LINC01488: variants seen among roughly 807,000 people sequenced by gnomAD.
The protein encoded by LINC01488 is CCND1-upstream intergenic DNA repair 1.
chr11:69,484,890 C>A lies in LINC01488; in HGVS notation n.122+3107C>A, dbSNP rs192876903. Among the ~76,000 whole-genome samples, 217 of 152,342 alleles carry A rather than the reference C, an allele frequency of 1.4e-3. 2 individuals carry two copies. The highest frequency in any genetic ancestry group is 4.7e-3 in the African/African-American group (196 of 41,572). ...CACAGCACCAGAGTCTTCACTGGCTCCTTTGTTTTCTCTGAAGGCAGAGAA... is the reference window on the plus strand; with the variant it reads ...CACAGCACCAGAGTCTTCACTGGCTACTTTGTTTTCTCTGAAGGCAGAGAA... On this transcript the variant is annotated intron_variant and non_coding_transcript_variant, in intron 1 of 3. Coordinates refer to ENST00000644563, the Ensembl canonical transcript of LINC01488.
intron 1 of LINC01488, among the ~76,000 whole-genome samples, chr11:69,489,580 G>A (rs1020008912): frequency 2.0e-5 from 3 of 152,262 alleles, no homozygotes; most frequent in Non-Finnish European, 4.4e-5. Context: ...ATAGCCTGGG[G>A]CAGTGGGAAC....
rs75108751 is a variant in LINC01488 at position 69,484,605 on chromosome 11, C to A, written n.122+2822C>A. 8.3e-3 allele frequency among the ~76,000 whole-genome samples: 1,259 copies of A among 152,322 alleles called. 50 individuals carry two copies. In the East Asian group the frequency reaches 0.12, roughly 14 times the overall value. On this transcript the variant is annotated intron_variant and non_coding_transcript_variant, in intron 1 of 3. Transcript: ENST00000644563. ...TAGTGTGAAACGGGAATGTTTCAGGCACTAGAAAAGGCCCAGCAGTTTCTG... is the reference window on the plus strand; with the variant it reads ...TAGTGTGAAACGGGAATGTTTCAGGAACTAGAAAAGGCCCAGCAGTTTCTG...
intron 1 of LINC01488, among the ~76,000 whole-genome samples, chr11:69,483,831 T>G (rs1469958709): frequency 6.6e-6 from 1 of 152,046 alleles, no homozygotes; most frequent in Admixed American, 6.5e-5. Flanking sequence ...CCGGCCCGGC[T>G]GGCGGGCAGC....
At chr11:69,481,903 A>ATGGATGAGTGGATGGT (rs1358569152) in intron 1 of LINC01488, 2 of 152,054 alleles carry the variant, frequency 1.3e-5, no homozygotes, top group Non-Finnish European at 2.9e-5. Context: ...GGGTGGATGG[A>ATGGATGAGTGGATGGT]TGGATGAGTG....
chr11:69,488,592 C>T (rs748360316), intron 1 of LINC01488, among the ~76,000 whole-genome samples: 89 of 152,376 alleles, frequency 5.8e-4, no homozygotes, highest in Admixed American at 9.8e-4. Flanking sequence ...GTTAATGGAC[C>T]GGCCCGGGGT....
intron 1 of LINC01488, among the ~76,000 whole-genome samples, chr11:69,485,077 C>T (rs756597083): frequency 6.6e-6 from 1 of 152,190 alleles, no homozygotes; most frequent in East Asian, 1.9e-4. Context: ...CATGTCACTG[C>T]GTATGGGAAG....
At chr11:69,487,066 A>G (rs540513688) in intron 1 of LINC01488, among the ~76,000 whole-genome samples, 2 of 152,328 alleles carry the variant, frequency 1.3e-5, no homozygotes, top group African/African-American at 2.4e-5. Flanking sequence ...CAAGGCTTGC[A>G]AGCGCATTCC....
At chr11:69,488,795 C>T (rs1053309628) in intron 1 of LINC01488, among the ~76,000 whole-genome samples, 14 of 152,170 alleles carry the variant, frequency 9.2e-5, no homozygotes, top group African/African-American at 2.4e-4. Context: ...CATGGGGAAC[C>T]GGCAGCAAAG....
At chr11:69,484,710 T>G (rs111661924) in intron 1 of LINC01488, among the ~76,000 whole-genome samples, 4,300 of 152,360 alleles carry the variant, frequency 0.028, 204 homozygotes, top group African/African-American at 0.097. Flanking sequence ...TGCTGAGCCC[T>G]GCTGTTGGGC....
intron 1 of LINC01488, among the ~76,000 whole-genome samples, chr11:69,482,114 G>A (rs1173860748): frequency 6.6e-6 from 1 of 152,102 alleles, no homozygotes; most frequent in Admixed American, 6.5e-5. Flanking sequence ...GAGGTTTAAT[G>A]GACTCACAGT....
chr11:69,486,752 C>G (rs1285732561), intron 1 of LINC01488, among the ~76,000 whole-genome samples: 1 of 152,188 alleles, frequency 6.6e-6, no homozygotes, highest in Non-Finnish European at 1.5e-5. Context: ...TCCATAAGCC[C>G]CCGCGATGGG....
intron 1 of LINC01488, among the ~76,000 whole-genome samples, chr11:69,482,533 T>C (rs1439092304): frequency 4.0e-5 from 6 of 151,246 alleles, no homozygotes; most frequent in African/African-American, 1.5e-4. Context: ...GATGAATGGA[T>C]GGATGATGAG....
exon 4 of LINC01488, chr11:69,492,484 C>T (rs138031689): frequency 2.0e-5 from 3 of 152,484 alleles, no homozygotes; most frequent in African/African-American, 4.8e-5. Context: ...CAGGGGGAGC[C>T]GAGCAGATGT....
chr11:69,488,515 G>A (rs1034868194), intron 1 of LINC01488, among the ~76,000 whole-genome samples: 3 of 152,326 alleles, frequency 2.0e-5, no homozygotes, highest in African/African-American at 7.2e-5. Flanking sequence ...CCTCTCCCAC[G>A]GCAACAGGAG....
Position 69,491,323 on chromosome 11 carries a change from G to A in LINC01488, n.458G>A, listed in dbSNP as rs1452510711. 2.1e-4 allele frequency: 32 copies of A among 152,274 alleles called. 2 individuals carry two copies. Among genetic ancestry groups the A allele is most frequent in the Admixed American group, 2.1e-3 (32 of 15,288 alleles). The allele number at this position is 152,274 out of a possible 1,614,324, so 9.4% of individuals were successfully genotyped here. On this transcript the variant is annotated non_coding_transcript_exon_variant, in exon 3 of 4. Coordinates refer to ENST00000644563, the Ensembl canonical transcript of LINC01488. ...ACGTGCTTGGAACAGCAGGTGCTCG[G>A]TCAGTGCAGCCACGACCATCCCGTC...
intron 1 of LINC01488, chr11:69,488,430 T>A (rs1857159336): frequency 1.3e-5 from 2 of 152,346 alleles, no homozygotes; most frequent in African/African-American, 4.8e-5. Context: ...CAGGCAGCAT[T>A]GGGAAGCAGG....
intron 1 of LINC01488, among the ~76,000 whole-genome samples, chr11:69,483,867 T>TG (rs1364605935): frequency 6.6e-6 from 1 of 151,762 alleles, no homozygotes; most frequent in Admixed American, 6.6e-5. Flanking sequence ...CCGAGGCGGG[T>TG]GCCTCCCGGT....
At chr11:69,487,324 C>T (rs961046791) in intron 1 of LINC01488, among the ~76,000 whole-genome samples, 3 of 152,152 alleles carry the variant, frequency 2.0e-5, no homozygotes, top group African/African-American at 7.2e-5. Flanking sequence ...AGAGGGAGCC[C>T]CGTGAGGGCT....
intron 1 of LINC01488, among the ~76,000 whole-genome samples, chr11:69,484,217 G>A (rs1857079613): frequency 6.6e-6 from 1 of 152,212 alleles, no homozygotes; most frequent in Admixed American, 6.5e-5. Flanking sequence ...GAAACAGACA[G>A]GCCAGGGCAT....
Sources: gnomAD v4.1 joint callset for allele counts (sites outside exome capture counted in the v4.1 genomes callset) on GRCh38, gnomAD v4.1.1 for gene constraint, MANE v1.5 for transcripts, NCBI Gene and HGNC (gene_info 2026-07-23, HGNC 2026-07-21) for gene names.